The following GC variants were observed in gnomAD, a reference collection of about 807,000 sequenced individuals.
GC encodes GC vitamin D binding protein.
A neutral mutation model predicts 56.7 loss-of-function variants in GC; 43 were observed. The ratio of observed to expected loss-of-function variants is 0.76; its 90% confidence interval spans 0.59 to 0.98. The LOEUF is 0.98. Ranked by LOEUF, GC falls within the 50% of genes least tolerant of loss-of-function variation. The pLI is 0.00. For synonymous variants in GC, 216 were observed against 202.7 expected (o/e 1.07, Z -0.56); for missense variants, 529 against 545.9 (o/e 0.97, Z 0.31).
Position 71,765,557 on chromosome 4 carries a change from G to T in GC, c.348C>A (p.Gly116=), listed in dbSNP as rs1237297090. The T allele has an allele frequency of 9.3e-6, 15 of 1,613,320 alleles. No homozygotes were observed. Among genetic ancestry groups the T allele is most frequent in the Non-Finnish European group, 1.3e-5 (15 of 1,179,494 alleles). Residue 116 remains glycine, a synonymous_variant, in exon 4 of 13, where the codon GGC becomes GGA. Coordinates refer to ENST00000273951, the MANE Select transcript of GC (RefSeq NM_000583.4). ...CAGCCATGCAGAGCTTTCGTTCCAG[G>T]CCCTCTTTGGTGCAGCACTCAGCAG... ...PGTAECCTKE[G]LERKLCMAAL...
intron 1 of GC, among the ~76,000 whole-genome samples, chr4:71,801,360 C>T (rs1280297443): frequency 6.6e-6 from 1 of 152,216 alleles, no homozygotes; most frequent in East Asian, 1.9e-4. Flanking sequence ...TTCCTACTCC[C>T]ATGCAGACTT....
At chr4:71,757,919 GA>G in intron 7 of GC, 122 bp downstream of exon 7, 1 of 677,106 alleles carries the variant, frequency 1.5e-6, no homozygotes, top group Non-Finnish European at 2.4e-6. Context: ...ATATTTCATA[GA>G]ATACATGTAA....
chr4:71,792,698 C>T (rs145479326), intron 1 of GC, among the ~76,000 whole-genome samples: 18,128 of 152,160 alleles, frequency 0.12, 1,491 homozygotes, highest in African/African-American at 0.23. Context: ...ACTTTTGTTG[C>T]CATAGCTTTT....
At chr4:71,782,614 T>A (rs1006560434) in intron 1 of GC, among the ~76,000 whole-genome samples, 1 of 151,798 alleles carries the variant, frequency 6.6e-6, no homozygotes, top group Non-Finnish European at 1.5e-5. Flanking sequence ...AAGGACACTT[T>A]CATTCTTTGA....
chr4:71,768,480 T>G (rs1172264852), intron 2 of GC, 47 bp from the exon 3 acceptor site: 8 of 1,553,578 alleles, frequency 5.1e-6, no homozygotes, highest in Non-Finnish European at 7.0e-6. Flanking sequence ...GAAAGGTTTT[T>G]TTTTTTGAGA....
chr4:71,776,688 T>A (rs1196628126), intron 1 of GC, among the ~76,000 whole-genome samples: 1 of 151,728 alleles, frequency 6.6e-6, no homozygotes, highest in African/African-American at 2.4e-5. Flanking sequence ...GGTAGAGGAG[T>A]TCATTGATGA....
At chr4:71,765,763 A>T in intron 3 of GC, 120 bp from the exon 4 acceptor site, 2 of 648,510 alleles carry the variant, frequency 3.1e-6, no homozygotes, top group Non-Finnish European at 5.4e-6. Context: ...CTATGTATTC[A>T]TGCCAAGGGC....
chr4:71,802,256 A>C (rs1743269281), intron 1 of GC, among the ~76,000 whole-genome samples: 1 of 152,194 alleles, frequency 6.6e-6, no homozygotes, highest in Admixed American at 6.5e-5. Context: ...CAATGCAATT[A>C]GTGCTTATTT....
At chr4:71,789,738 T>C (rs1742925733) in intron 1 of GC, among the ~76,000 whole-genome samples, 1 of 151,960 alleles carries the variant, frequency 6.6e-6, no homozygotes, top group Non-Finnish European at 1.5e-5. Flanking sequence ...CAGTTTACTT[T>C]AAAATACAGG....
chr4:71,756,683 G>C, intron 8 of GC, 29 bp downstream of exon 8: 1 of 1,513,300 alleles, frequency 6.6e-7, no homozygotes, highest in Non-Finnish European at 9.2e-7. Context: ...CTTAAAATGG[G>C]AAAACGTTTT....
At chr4:71,755,649 G>A (rs1045175229) in intron 8 of GC, among the ~76,000 whole-genome samples, 4 of 152,074 alleles carry the variant, frequency 2.6e-5, no homozygotes, top group African/African-American at 7.2e-5. Flanking sequence ...TTAAAGCTTT[G>A]CATGTAATAT....
chr4:71,747,990 T>C (rs1741430829), intron 11 of GC, among the ~76,000 whole-genome samples: 1 of 152,190 alleles, frequency 6.6e-6, no homozygotes, highest in African/African-American at 2.4e-5. Flanking sequence ...TTTGCTTTTG[T>C]CATGACTAGC....
chr4:71,756,696 C>T lies in GC; in HGVS notation c.1034+16G>A, dbSNP rs867096044. ...AACTTAAAATGGGAAAACGTTTTCA[C>T]ATCACCTCTACTTACTTATCCATGA... On this transcript the variant is annotated intron_variant, in intron 8 of 12. Coordinates refer to ENST00000273951, the MANE Select transcript of GC (RefSeq NM_000583.4). The T allele has an allele frequency of 2.5e-6, 4 of 1,580,700 alleles. No individual in the cohort carries two copies. Among genetic ancestry groups the T allele is most frequent in the Middle Eastern group, 3.3e-4 (2 of 6,012 alleles).
chr4:71,796,706 G>A (rs1316492674), intron 1 of GC, among the ~76,000 whole-genome samples: 1 of 152,158 alleles, frequency 6.6e-6, no homozygotes, highest in Non-Finnish European at 1.5e-5. Context: ...TTTTTCCGTT[G>A]CTGGCGAGGA....
At chr4:71,800,032 C>A (rs1382283065) in intron 1 of GC, among the ~76,000 whole-genome samples, 1 of 150,930 alleles carries the variant, frequency 6.6e-6, no homozygotes, top group African/African-American at 2.4e-5. Flanking sequence ...AATCAACACA[C>A]AATTCATGGA....
chr4:71,778,891 G>GTTATTGTTATTATTATTATTA (rs71213587), intron 1 of GC, among the ~76,000 whole-genome samples: 80 of 143,320 alleles, frequency 5.6e-4, no homozygotes, highest in Non-Finnish European at 8.6e-4. Flanking sequence ...ATTGCTGTCA[G>GTTATTGTTATTATTATTATTA]TTATTATTAT....
rs189036299 is a variant in GC at position 71,762,439 on chromosome 4, T to G, written c.701+969A>C. On this transcript the variant is annotated intron_variant, in intron 6 of 12. Coordinates refer to ENST00000273951, the MANE Select transcript of GC (RefSeq NM_000583.4). ...GACTTGCCTTGTCTTGGATGAGACA[T>G]TGTACTGTGGACTTTTGAGTTAATG... Among the ~76,000 whole-genome samples the G allele has an allele frequency of 3.3e-5, 5 of 152,288 alleles. No individual in the cohort carries two copies. The East Asian group carries it at 5.8e-4, about 18-fold the overall frequency.
Position 71,765,544 on chromosome 4 carries a change from G to A in GC, c.361C>T (p.Leu121Phe), listed in dbSNP as rs745704361. The A allele has an allele frequency of 1.2e-6, 2 of 1,613,694 alleles. No individual in the cohort carries two copies. Among genetic ancestry groups the A allele is most frequent in the African/African-American group, 1.3e-5 (1 of 75,030 alleles). Reference sequence around the variant, plus strand: ...TGGTGTTTCAGAGCAGCCATGCAGAGCTTTCGTTCCAGGCCCTCTTTGGTG... The same window carrying A: ...TGGTGTTTCAGAGCAGCCATGCAGAACTTTCGTTCCAGGCCCTCTTTGGTG... ...CCTKEGLERK[L>F]CMAALKHQPQ... The change falls in exon 4 of 13, where the codon CTC becomes TTC. Residue 121 changes from leucine to phenylalanine, a missense_variant. Coordinates refer to ENST00000273951, the MANE Select transcript of GC (RefSeq NM_000583.4).
intron 1 of GC, among the ~76,000 whole-genome samples, chr4:71,797,220 G>C (rs1037752504): frequency 7.9e-5 from 12 of 152,204 alleles, no homozygotes; most frequent in African/African-American, 2.9e-4. Context: ...CTGTCTTCAG[G>C]GCTGTTCAGA....
Sources: allele counts gnomAD v4.1 joint callset (sites outside exome capture counted in the v4.1 genomes callset), GRCh38; gene constraint gnomAD v4.1.1; transcripts MANE v1.5; gene names NCBI Gene and HGNC (gene_info 2026-07-23, HGNC 2026-07-21).